Variants in PDZD2 observed in about 807,000 individuals in gnomAD.
PDZD2 encodes the protein PDZ domain-containing protein 2.
Under a neutral mutation model 220.7 loss-of-function variants are expected in PDZD2, and 90 were observed. The ratio of observed to expected loss-of-function variants is 0.41; its 90% CI spans 0.34 to 0.49. The LOEUF (loss-of-function observed/expected upper bound fraction) is 0.49, where lower values mean the gene tolerates loss of function less well. Among genes scored for constraint, PDZD2 ranks in the 20% least tolerant of loss-of-function variants. The pLI, the probability that PDZD2 is intolerant of heterozygous loss-of-function variation, is 0.28. For synonymous variants in PDZD2, 1,375 were observed against 1,450.5 expected, an observed-to-expected ratio of 0.95 and a Z score of 1.18; for missense variants, 3,174 against 3,608.5, an observed-to-expected ratio of 0.88 and a Z score of 3.08.
intron 5 of PDZD2, among the ~76,000 whole-genome samples, chr5:32,006,750 T>TA (rs2112054486): frequency 7.1e-6 from 1 of 140,244 alleles, no homozygotes; most frequent in South Asian, 2.3e-4. Flanking sequence ...AGTGCGGTGG[T>TA]ACAATCTTGG....
intron 2 of PDZD2, chr5:31,823,134 C>G: frequency 2.6e-6 from 1 of 386,960 alleles, no homozygotes; most frequent in Non-Finnish European, 4.7e-6. Context: ...GAATGGTCTT[C>G]ATTCTCGCAG....
At chr5:31,977,893 GAA>G (rs1749926927) in intron 2 of PDZD2, among the ~76,000 whole-genome samples, 1 of 152,190 alleles carries the variant, frequency 6.6e-6, no homozygotes, top group Non-Finnish European at 1.5e-5. Flanking sequence ...AGAATCACTT[GAA>G]CCTGGGAGGT....
chr5:32,091,457 G>T (rs566332841), intron 20 of PDZD2, among the ~76,000 whole-genome samples: 58 of 151,714 alleles, frequency 3.8e-4, no homozygotes, highest in African/African-American at 1.4e-3. Flanking sequence ...GCTAATTTTT[G>T]TATTTTTAAT....
intron 2 of PDZD2, among the ~76,000 whole-genome samples, chr5:31,979,541 C>G (rs1258433662): frequency 6.7e-6 from 1 of 150,206 alleles, no homozygotes; most frequent in Non-Finnish European, 1.5e-5. Context: ...GATTGTGCCA[C>G]TGCACTCCAG....
At chr5:31,896,941 ACT>A (rs1741623243) in intron 2 of PDZD2, among the ~76,000 whole-genome samples, 1 of 152,138 alleles carries the variant, frequency 6.6e-6, no homozygotes, top group African/African-American at 2.4e-5. Flanking sequence ...TAGGTGACAG[ACT>A]CTGTCTCAAA....
chr5:31,663,234 C>A (rs536797229), intron 1 of PDZD2, among the ~76,000 whole-genome samples: 2 of 152,298 alleles, frequency 1.3e-5, no homozygotes, highest in African/African-American at 4.8e-5. Flanking sequence ...AGTTTCCCTT[C>A]CACTGATGAT....
chr5:31,880,498 T>C (rs1424025946), intron 2 of PDZD2, among the ~76,000 whole-genome samples: 1 of 152,238 alleles, frequency 6.6e-6, no homozygotes, highest in Admixed American at 6.5e-5. Flanking sequence ...GAATGTTTTC[T>C]CTTTCTTGCT....
At chr5:31,974,984 A>G (rs1303290587) in intron 2 of PDZD2, among the ~76,000 whole-genome samples, 1 of 152,196 alleles carries the variant, frequency 6.6e-6, no homozygotes, top group African/African-American at 2.4e-5. Flanking sequence ...TGAATGACTA[A>G]TAATGTATCA....
At chr5:31,966,650 G>A (rs1206667050) in intron 2 of PDZD2, among the ~76,000 whole-genome samples, 2 of 152,150 alleles carry the variant, frequency 1.3e-5, no homozygotes, top group African/African-American at 4.8e-5. Flanking sequence ...GTTTTTCTAG[G>A]CCAGGGTTCT....
intron 2 of PDZD2, among the ~76,000 whole-genome samples, chr5:31,926,641 A>T (rs965395297): frequency 6.6e-6 from 1 of 152,146 alleles, no homozygotes; most frequent in African/African-American, 2.4e-5. Flanking sequence ...TAGTTTGACC[A>T]CTGTGGAAAG....
intron 1 of PDZD2, among the ~76,000 whole-genome samples, chr5:31,718,513 A>G (rs1176354218): frequency 1.3e-5 from 2 of 152,176 alleles, no homozygotes; most frequent in African/African-American, 2.4e-5. Context: ...TGGAAGTCCA[A>G]GATCAAGGTG....
chr5:32,102,613 T>C (rs1744357167), intron 24 of PDZD2, among the ~76,000 whole-genome samples: 1 of 151,962 alleles, frequency 6.6e-6, no homozygotes, highest in Non-Finnish European at 1.5e-5. Context: ...GGCAAGCATG[T>C]GGCAACTCGA....
chr5:31,768,143 G>A (rs899197846), intron 1 of PDZD2, among the ~76,000 whole-genome samples: 11 of 152,124 alleles, frequency 7.2e-5, no homozygotes, highest in Non-Finnish European at 1.3e-4. Flanking sequence ...GGTGGGGTAG[G>A]CAAAGTCTCA....
intron 1 of PDZD2, among the ~76,000 whole-genome samples, chr5:31,690,023 A>T (rs1561385580): frequency 6.6e-6 from 1 of 152,108 alleles, no homozygotes; most frequent in Non-Finnish European, 1.5e-5. Context: ...CTGTCCCCAC[A>T]GTTACTCATT....
chr5:31,835,028 A>T (rs947639780), intron 2 of PDZD2, among the ~76,000 whole-genome samples: 1 of 152,120 alleles, frequency 6.6e-6, no homozygotes, highest in Admixed American at 6.6e-5. Flanking sequence ...CTTCAGGAAT[A>T]TTTGCTTTTG....
Position 31,813,472 on chromosome 5 carries a change from A to G in PDZD2, c.476+13748A>G, listed in dbSNP as rs868619130. Among the ~76,000 whole-genome samples, 1,145 of 146,702 alleles carry G rather than the reference A, an allele frequency of 7.8e-3. 12 individuals carry two copies. The highest frequency in any genetic ancestry group is 0.029 in the African/African-American group (1,113 of 38,570). ...CTCAAAAAAAAAAAAAAAAAAAAAA[A>G]AAATCTAAATATTCACAACGTGAAT... On this transcript the variant is annotated intron_variant, in intron 2 of 24. Coordinates refer to ENST00000438447, the MANE Select transcript of PDZD2 (RefSeq NM_178140.4).
At chr5:31,849,937 T>C (rs185311684) in intron 2 of PDZD2, among the ~76,000 whole-genome samples, 975 of 21,256 alleles carry the variant, frequency 0.046, 249 homozygotes, top group African/African-American at 0.1. Context: ...TATATACACA[T>C]ATATATATAT....
chr5:32,087,476 AC>A lies in PDZD2; in HGVS notation c.4033del (p.Leu1345SerfsTer20), dbSNP rs1247572298. 6.2e-7 allele frequency: 1 copy of A among 1,613,358 alleles called. No homozygotes were observed. On this transcript the variant is annotated frameshift_variant, in exon 20 of 25. Coordinates refer to ENST00000438447, the MANE Select transcript of PDZD2 (RefSeq NM_178140.4). LOFTEE classifies it high-confidence loss of function. The surrounding 1 kb of genome is among the most constrained non-coding windows in gnomAD (Gnocchi z 4.0). ...CCAGCTGGTGCTGTCCTGCCAGGAG[AC>A]CCCCTCACATCCCAGGAGCAGAGAC... is the stretch of plus-strand genomic sequence containing the variant. ...MTPAGAVLPG[D>X]PLTSQEQRQG... is the part of the protein sequence containing the mutation.
intron 8 of PDZD2, among the ~76,000 whole-genome samples, chr5:32,049,274 T>C (rs1002574507): frequency 6.6e-5 from 10 of 152,160 alleles, no homozygotes; most frequent in Non-Finnish European, 1.0e-4. Context: ...CTCAACCTGG[T>C]AGAAACCGGT....
Sources: gnomAD v4.1 joint callset for allele counts (sites outside exome capture counted in the v4.1 genomes callset) on GRCh38, gnomAD v4.1.1 for gene constraint, Gnocchi (gnomAD v3.1) non-coding constraint, MANE v1.5 for transcripts, NCBI Gene and HGNC (gene_info 2026-07-23, HGNC 2026-07-21) for gene names.